The following MTRF1 variants were observed in gnomAD, a reference collection of about 807,000 sequenced individuals.
MTRF1 encodes the protein mitochondrial translation release factor 1.
A neutral mutation model predicts 62.9 loss-of-function variants in MTRF1; 51 were observed. The observed-to-expected ratio is 0.81, with a 90% CI of 0.65 to 1.02. The LOEUF is 1.02. MTRF1 is among the 50% of genes least tolerant of loss of function. The pLI is 0.00. For synonymous variants in MTRF1, 158 were observed against 181.9 expected (o/e 0.87, Z 1.06); for missense variants, 446 against 530.0 (o/e 0.84, Z 1.56).
In MTRF1 at chr13:41,258,590, TA is replaced by T. The variant is rs2040026711; in HGVS notation, c.415+1902del. ...AAAAAAAAAACAAAAAAAAAAAACA[TA>T]AAAAATAAATACACCATATACAAAA... On this transcript the variant is annotated intron_variant, in intron 2 of 9. Transcript: ENST00000379480. Among the ~76,000 whole-genome samples the T allele has an allele frequency of 8.9e-4, 117 of 131,040 alleles. 1 individual carries two copies. The highest frequency in any genetic ancestry group is 3.1e-3 in the African/African-American group (108 of 35,026). The allele number at this position is 131,040 out of a possible 152,430, so 86.0% of individuals were successfully genotyped here. A position where few individuals can be genotyped will look rare whatever the true frequency, so the allele number is the denominator to read the frequency against.
upstream of MTRF1, among the ~76,000 whole-genome samples, chr13:41,265,839 G>GT (rs1555272032): frequency 6.6e-6 from 1 of 152,040 alleles, no homozygotes; most frequent in Non-Finnish European, 1.5e-5. Flanking sequence ...CCAGCTGGTG[G>GT]TTTTTTGTTT....
chr13:41,307,485 A>G, the MTRF1 span, among the ~76,000 whole-genome samples: 1 of 152,080 alleles, frequency 6.6e-6, no homozygotes, highest in Admixed American at 6.6e-5. Flanking sequence ...TTAGCTGGGC[A>G]TGGCGGTGCA....
chr13:41,288,798 T>C, the MTRF1 span, among the ~76,000 whole-genome samples: 1 of 152,218 alleles, frequency 6.6e-6, no homozygotes, highest in Non-Finnish European at 1.5e-5. Context: ...AATTTTGTTA[T>C]TCGAGTTCAA....
At chr13:41,264,728 A>G (rs548891200), upstream of MTRF1, among the ~76,000 whole-genome samples, 1 of 152,352 alleles carries the variant, frequency 6.6e-6, no homozygotes, top group South Asian at 2.1e-4. Context: ...AGAGGAGAAA[A>G]TTAAGGCACA....
the MTRF1 span, among the ~76,000 whole-genome samples, chr13:41,279,407 C>G: frequency 6.6e-6 from 1 of 152,200 alleles, no homozygotes; most frequent in African/African-American, 2.4e-5. Context: ...GTAACCCAAA[C>G]GTTCCTTTCT....
Position 41,223,350 on chromosome 13 carries a change from C to G in MTRF1, c.1130G>C (p.Gly377Ala), listed in dbSNP as rs202011663. Residue 377 changes from glycine to alanine, a missense_variant, in exon 9 of 10, where the codon GGA (glycine) becomes GCA (alanine). Gly to Ala is a moderately conservative substitution (Grantham distance 60, BLOSUM62 0). Coordinates refer to ENST00000379480, the MANE Select transcript of MTRF1 (RefSeq NM_004294.4). ...QQQSARKLQV[G>A]TRAQSERIRT... ...AATTCGCTCTGACTGGGCTCTTGTT[C>G]CCACCTGTGCCATAACAAAAAGCAA... The G allele has an allele frequency of 3.8e-5, 61 of 1,613,002 alleles. 1 individual carries two copies. In the East Asian group the frequency reaches 1.4e-3, roughly 36 times the overall value.
At chr13:41,230,726 CT>C (rs571291052) in intron 7 of MTRF1, among the ~76,000 whole-genome samples, 168 of 144,388 alleles carry the variant, frequency 1.2e-3, no homozygotes, top group African/African-American at 2.5e-3. Flanking sequence ...GATGGTTTCC[CT>C]TTTTTTTTTT....
At chr13:41,306,922 G>A in the MTRF1 span, among the ~76,000 whole-genome samples, 1 of 152,188 alleles carries the variant, frequency 6.6e-6, no homozygotes, top group African/African-American at 2.4e-5. Flanking sequence ...ACCCTGCTGT[G>A]AAACACATTA....
chr13:41,250,339 C>T (rs1264594802), intron 5 of MTRF1, among the ~76,000 whole-genome samples: 3 of 152,114 alleles, frequency 2.0e-5, no homozygotes, highest in Non-Finnish European at 2.9e-5. Context: ...GGCCATTCTC[C>T]AAAGCTTGTT....
intron 6 of MTRF1, among the ~76,000 whole-genome samples, chr13:41,238,728 T>G (rs909517439): frequency 4.6e-5 from 7 of 152,220 alleles, no homozygotes; most frequent in Non-Finnish European, 1.0e-4. Context: ...GAGATATTTC[T>G]GTGGTCACCA....
intron 8 of MTRF1, among the ~76,000 whole-genome samples, chr13:41,224,845 G>A (rs1687255211): frequency 6.6e-6 from 1 of 152,146 alleles, no homozygotes; most frequent in South Asian, 2.1e-4. Context: ...GTCTTTTTTG[G>A]CTTGTCAATC....
the MTRF1 span, among the ~76,000 whole-genome samples, chr13:41,296,274 A>C: frequency 1.3e-5 from 2 of 150,824 alleles, no homozygotes; most frequent in South Asian, 4.2e-4. Context: ...GATCTTGCTA[A>C]TGTAGCCCAG....
upstream of MTRF1, among the ~76,000 whole-genome samples, chr13:41,266,512 T>A (rs999161336): frequency 2.6e-5 from 4 of 152,088 alleles, no homozygotes; most frequent in African/African-American, 9.7e-5. Flanking sequence ...CTCAGGAGGC[T>A]GAGACATGAG....
At chr13:41,236,279 C>T (rs1331620232) in intron 6 of MTRF1, 1 of 152,128 alleles carries the variant, frequency 6.6e-6, no homozygotes, top group African/African-American at 2.4e-5. Context: ...TCACTACCAG[C>T]TACTTTTTGT....
chr13:41,286,927 T>C, the MTRF1 span, among the ~76,000 whole-genome samples: 718 of 152,360 alleles, frequency 4.7e-3, 6 homozygotes, highest in Non-Finnish European at 3.6e-3. Context: ...TTAAGGAGGC[T>C]GTTCTGCTTT....
chr13:41,240,237 T>C, intron 6 of MTRF1, 24 bp downstream of exon 6: 1 of 1,579,732 alleles, frequency 6.3e-7, no homozygotes. Flanking sequence ...GGAGTGAGTT[T>C]CCCTTGCCTC....
chr13:41,252,387 T>C (rs1298532557), intron 5 of MTRF1: 2 of 279,364 alleles, frequency 7.2e-6, no homozygotes, highest in Admixed American at 4.9e-5. Flanking sequence ...GCAAGATACG[T>C]ATCTAAGTTC....
At chr13:41,277,787 T>A in the MTRF1 span, among the ~76,000 whole-genome samples, 1 of 152,092 alleles carries the variant, frequency 6.6e-6, no homozygotes, top group Non-Finnish European at 1.5e-5. Context: ...GGGCTAAAAG[T>A]CCCAACCCTC....
chr13:41,269,822 G>T, the MTRF1 span, among the ~76,000 whole-genome samples: 1 of 152,170 alleles, frequency 6.6e-6, no homozygotes, highest in African/African-American at 2.4e-5. Context: ...CAGTGAAAAA[G>T]ATCTGACCTA....
Sources: allele counts gnomAD v4.1 joint callset (sites outside exome capture counted in the v4.1 genomes callset), GRCh38; gene constraint gnomAD v4.1.1; transcripts MANE v1.5; gene names NCBI Gene and HGNC (gene_info 2026-07-23, HGNC 2026-07-21).